CFAP44: variants seen among roughly 807,000 people sequenced by gnomAD.
CFAP44 encodes the protein cilia- and flagella-associated protein 44.
CFAP44 carries 134 observed loss-of-function variants against 216.2 expected under a neutral mutation model. The observed-to-expected ratio is 0.62, with a 90% confidence interval of 0.54 to 0.72. CFAP44 has a LOEUF of 0.72. Ranked by LOEUF, CFAP44 falls within the 30% of genes least tolerant of loss-of-function variation. The pLI is 0.00. For missense variants in CFAP44, 2,035 were observed against 2,182.1 expected (o/e 0.93, Z 1.34); for synonymous variants, 700 against 727.6 (o/e 0.96, Z 0.61).
At chr3:113,333,622 G>A (rs1460302309) in intron 24 of CFAP44, 39 bp from the exon 25 acceptor site, 14 of 1,450,256 alleles carry the variant, frequency 9.7e-6, no homozygotes, top group Non-Finnish European at 1.3e-5. Flanking sequence ...ACACAAATAT[G>A]ACAATAAACT....
At chr3:113,391,138 A>C (rs1933827836) in intron 15 of CFAP44, among the ~76,000 whole-genome samples, 2 of 152,164 alleles carry the variant, frequency 1.3e-5, no homozygotes, top group African/African-American at 4.8e-5. Flanking sequence ...CTGACATAAA[A>C]ACAGAAACAC....
At chr3:113,307,805 G>A (rs543648690) in intron 29 of CFAP44, among the ~76,000 whole-genome samples, 6 of 152,048 alleles carry the variant, frequency 3.9e-5, no homozygotes, top group South Asian at 4.2e-4. Flanking sequence ...CTGAAACCCC[G>A]TCTCTACTAA....
At chr3:113,342,256 C>A (rs1950339682) in intron 23 of CFAP44, among the ~76,000 whole-genome samples, 1 of 152,124 alleles carries the variant, frequency 6.6e-6, no homozygotes, top group African/African-American at 2.4e-5. Context: ...TTGCTTGAAA[C>A]CAGGAGGCAG....
intron 23 of CFAP44, 95 bp downstream of exon 23, chr3:113,344,421 A>C (rs1428066981): frequency 1.9e-6 from 2 of 1,079,064 alleles, no homozygotes; most frequent in Non-Finnish European, 2.6e-6. Flanking sequence ...ATTGAGCTCA[A>C]GCCACCAAAG....
chr3:113,398,538 G>A (rs1419709050), intron 13 of CFAP44, among the ~76,000 whole-genome samples: 1 of 152,152 alleles, frequency 6.6e-6, no homozygotes, highest in African/African-American at 2.4e-5. Flanking sequence ...TCAATTACCT[G>A]GATTGTAGTT....
At chr3:113,372,500 A>G (rs1251341915) in intron 18 of CFAP44, among the ~76,000 whole-genome samples, 3 of 152,134 alleles carry the variant, frequency 2.0e-5, no homozygotes, top group Admixed American at 6.5e-5. Flanking sequence ...AGCACCACAT[A>G]TTCTCACTCA....
intron 13 of CFAP44, 50 bp from the exon 14 acceptor site, chr3:113,396,777 G>A: frequency 6.5e-7 from 1 of 1,543,492 alleles, no homozygotes; most frequent in Non-Finnish European, 8.9e-7. Context: ...AATTGAGAAA[G>A]TTGTACTATA....
In CFAP44 at chr3:113,363,196, A is replaced by G. The variant is rs149130341; in HGVS notation, c.2883T>C (p.Asn961=). Residue 961 remains asparagine, a synonymous_variant, in exon 21 of 35, where the codon AAT becomes AAC. Transcript: ENST00000393845. The stretch of plus-strand genomic sequence containing the variant: ...GTAATTTTTCATTCATTTCTAATAG[A>G]TTACAAAATTCACTCCTCAAAGCTT... ...QIKALRSEFC[N]LLEMNEKLPK... is the part of the protein sequence containing the mutation. The G allele has an allele frequency of 6.2e-7, 1 of 1,613,046 alleles. No individual in the cohort carries two copies. The highest frequency in any genetic ancestry group is 1.7e-4 in the Middle Eastern group (1 of 6,058).
rs1949805359 is a variant in CFAP44 at position 113,289,272 on chromosome 3, T to G, written c.*2285A>C. ...GTCGTCAATTCCCAAACATGCGGAA[T>G]GAAGCCCTGAATATTGTAGAATTAA... On this transcript the variant is annotated 3_prime_UTR_variant, in exon 35 of 35. Coordinates refer to ENST00000393845, the MANE Select transcript of CFAP44 (RefSeq NM_001164496.2). The G allele has an allele frequency of 6.6e-6, 1 of 152,246 alleles. No individual in the cohort carries two copies. Among genetic ancestry groups the G allele is most frequent in the African/African-American group, 2.4e-5 (1 of 41,470 alleles). The allele number at this position is 152,246 out of a possible 1,614,324, so 9.4% of individuals were successfully genotyped here.
Position 113,287,227 on chromosome 3 carries a change from T to C in CFAP44, c.*4330A>G. 5.4e-6 allele frequency: 2 copies of C among 366,998 alleles called. No individual in the cohort carries two copies. The highest frequency in any genetic ancestry group is 4.1e-5 in the South Asian group (2 of 48,238). The allele number at this position is 366,998 out of a possible 1,614,324, so 22.7% of individuals were successfully genotyped here. A position where few individuals can be genotyped will look rare whatever the true frequency, so the allele number is the denominator to read the frequency against. ...CCAGGCACATGGTTCATCACGAGCA[T>C]GAGGGAACAGCAAGGGGCACGGTAT... On this transcript the variant is annotated 3_prime_UTR_variant, in exon 35 of 35. Coordinates refer to ENST00000393845, the MANE Select transcript of CFAP44 (RefSeq NM_001164496.2).
chr3:113,388,549 T>C (rs1018585317), intron 15 of CFAP44, among the ~76,000 whole-genome samples: 3 of 152,046 alleles, frequency 2.0e-5, no homozygotes, highest in Non-Finnish European at 4.4e-5. Flanking sequence ...TTATCAACAA[T>C]AGCATTGAAA....
chr3:113,352,182 T>C (rs930310272), intron 22 of CFAP44, among the ~76,000 whole-genome samples: 2 of 152,040 alleles, frequency 1.3e-5, no homozygotes, highest in Non-Finnish European at 2.9e-5. Flanking sequence ...AGCTAAAAGA[T>C]TGTAAATGCA....
At chr3:113,348,646 A>G (rs1463542727) in intron 22 of CFAP44, among the ~76,000 whole-genome samples, 2 of 152,188 alleles carry the variant, frequency 1.3e-5, no homozygotes, top group Non-Finnish European at 2.9e-5. Flanking sequence ...GCCCAGAAGG[A>G]AATAAGCAAA....
rs145030038 is a variant in CFAP44 at position 113,288,524 on chromosome 3, G to C, written c.*3033C>G. 2.7e-3 allele frequency: 417 copies of C among 152,302 alleles called. 2 individuals are homozygous for C. Among genetic ancestry groups the C allele is most frequent in the African/African-American group, 9.1e-3 (377 of 41,542 alleles). The allele number at this position is 152,302 out of a possible 1,614,324, so 9.4% of individuals were successfully genotyped here. The stretch of plus-strand genomic sequence containing the variant: ...AGAGCTCACTTCTGGGGTGGGTAGG[G>C]CTGACGCTCTCAGTCATTGCTTTGC... On this transcript the variant is annotated 3_prime_UTR_variant, in exon 35 of 35. Coordinates refer to ENST00000393845, the MANE Select transcript of CFAP44 (RefSeq NM_001164496.2).
chr3:113,400,435 C>G, intron 12 of CFAP44, 110 bp downstream of exon 12: 1 of 909,684 alleles, frequency 1.1e-6, no homozygotes, highest in Non-Finnish European at 1.6e-6. Flanking sequence ...TCAAGAGGCT[C>G]CCCTTTTGGG....
intron 15 of CFAP44, among the ~76,000 whole-genome samples, chr3:113,386,559 C>A (rs544568009): frequency 2.0e-5 from 3 of 152,152 alleles, no homozygotes; most frequent in Non-Finnish European, 4.4e-5. Context: ...CTAGGTTGTA[C>A]AATCAATAAG....
chr3:113,407,267 A>G (rs1370048525), intron 7 of CFAP44, among the ~76,000 whole-genome samples: 2 of 152,224 alleles, frequency 1.3e-5, no homozygotes, highest in Non-Finnish European at 2.9e-5. Flanking sequence ...TCCTGCTTTC[A>G]TGCATCTTAT....
At chr3:113,392,629 T>C (rs895783439) in intron 15 of CFAP44, among the ~76,000 whole-genome samples, 5 of 152,168 alleles carry the variant, frequency 3.3e-5, no homozygotes, top group African/African-American at 1.2e-4. Flanking sequence ...CTCATATGAT[T>C]ATTATGCATT....
chr3:113,431,674 T>C (rs1264361035), intron 2 of CFAP44, among the ~76,000 whole-genome samples: 2 of 152,114 alleles, frequency 1.3e-5, no homozygotes, highest in African/African-American at 4.8e-5. Flanking sequence ...AGAAGACAAA[T>C]GCCTAAAATA....
Sources: allele counts gnomAD v4.1 joint callset (sites outside exome capture counted in the v4.1 genomes callset), GRCh38; gene constraint gnomAD v4.1.1; transcripts MANE v1.5; gene names NCBI Gene and HGNC (gene_info 2026-07-23, HGNC 2026-07-21).